The following ARHGAP10 variants were observed in gnomAD, a reference collection of about 807,000 sequenced individuals.
ARHGAP10 encodes the protein rho GTPase-activating protein 10.
A neutral mutation model predicts 108.6 loss-of-function variants in ARHGAP10; 87 were observed. The observed-to-expected ratio is 0.80, with a 90% confidence interval of 0.67 to 0.96. The LOEUF is 0.96. ARHGAP10 is among the 40% of genes least tolerant of loss of function. The probability of loss-of-function intolerance (pLI) is 0.00; values close to 1 mark genes in which losing one functional copy is unlikely to be tolerated. For missense variants in ARHGAP10, 939 were observed against 954.5 expected (o/e 0.98, Z 0.21); for synonymous variants, 347 against 341.1 (o/e 1.02, Z -0.19).
At chr4:147,921,164 T>C (rs879388920) in intron 13 of ARHGAP10, among the ~76,000 whole-genome samples, 8 of 152,218 alleles carry the variant, frequency 5.3e-5, no homozygotes, top group Non-Finnish European at 1.2e-4. Flanking sequence ...GCCGAATGAT[T>C]TTGCTGAAGT....
chr4:147,794,808 T>G (rs911398858), intron 1 of ARHGAP10, among the ~76,000 whole-genome samples: 4 of 152,190 alleles, frequency 2.6e-5, no homozygotes, highest in African/African-American at 9.7e-5. Flanking sequence ...CCATTTAGTG[T>G]TTTTTGAAAC....
chr4:148,010,527 A>G (rs1344424360), intron 18 of ARHGAP10, among the ~76,000 whole-genome samples: 1 of 152,218 alleles, frequency 6.6e-6, no homozygotes, highest in Non-Finnish European at 1.5e-5. Context: ...TAAACATTGT[A>G]TACCCTTTAT....
In ARHGAP10 at chr4:148,063,202, C is replaced by T. The variant is rs1411343221; in HGVS notation, c.2082C>T (p.Thr694=). The change falls in exon 21 of 23, where the codon ACC becomes ACT. Residue 694 remains threonine, a synonymous_variant. Transcript: ENST00000336498. ...MVQWLNPQSP[T]TTSSNSAVTP... ...AGTGGCTTAACCCACAGTCTCCAAC[C>T]ACAACAAGCTCCAACTCAGCTGTGA... is the stretch of plus-strand genomic sequence containing the variant. The T allele has an allele frequency of 1.2e-6, 2 of 1,614,074 alleles. No homozygotes were observed. Among genetic ancestry groups the T allele is most frequent in the Admixed American group, 1.7e-5 (1 of 59,998 alleles).
Position 147,966,750 on chromosome 4 carries a change from A to T in ARHGAP10, c.1627A>T (p.Met543Leu), listed in dbSNP as rs1322739756. Residue 543 changes from methionine to leucine, a missense_variant, in exon 18 of 23, where the codon ATG (methionine) becomes TTG (leucine). By Grantham distance (15) the Met-to-Leu change is conservative. Transcript: ENST00000336498. ...NLGVVFGPTL[M>L]RPQEETVAAL... ...AGGAGTGGTGTTTGGACCAACTCTG[A>T]TGAGGCCACAGGAAGAAACTGTCGC... 9 of 1,608,214 alleles carry T rather than the reference A, an allele frequency of 5.6e-6. No homozygotes were observed. Among genetic ancestry groups the T allele is most frequent in the African/African-American group, 2.7e-5 (2 of 74,896 alleles).
intron 10 of ARHGAP10, among the ~76,000 whole-genome samples, chr4:147,884,407 A>G (rs981292265): frequency 3.3e-5 from 5 of 152,140 alleles, no homozygotes; most frequent in East Asian, 3.9e-4. Context: ...AGTACTTTAT[A>G]GGGAGACTCT....
At chr4:147,742,206 G>A (rs947371481) in intron 1 of ARHGAP10, among the ~76,000 whole-genome samples, 6 of 151,872 alleles carry the variant, frequency 4.0e-5, no homozygotes, top group South Asian at 2.1e-4. Context: ...TGGCCTCACC[G>A]TTTATTAGCT....
At chr4:148,024,154 T>C (rs1039626092) in intron 19 of ARHGAP10, among the ~76,000 whole-genome samples, 1 of 152,184 alleles carries the variant, frequency 6.6e-6, no homozygotes, top group African/African-American at 2.4e-5. Context: ...TGGTTATTGG[T>C]GTGGAGAATA....
Position 147,912,682 on chromosome 4 carries a change from G to T in ARHGAP10, c.1163-392G>T, listed in dbSNP as rs534518929. On this transcript the variant is annotated intron_variant, in intron 12 of 22. Transcript: ENST00000336498. Reference sequence around the variant, plus strand: ...TTTTTTTTTTTTTTGGGGAGACAGGGTATTGCTCTGTCACCCAGTGCAGTG... The same window carrying T: ...TTTTTTTTTTTTTTGGGGAGACAGGTTATTGCTCTGTCACCCAGTGCAGTG... Among the ~76,000 whole-genome samples the T allele has an allele frequency of 1.5e-4, 18 of 122,974 alleles. No individual in the cohort carries two copies. The South Asian group carries it at 3.2e-3, about 22-fold the overall frequency. The allele number at this position is 122,974 out of a possible 152,430, so 80.7% of individuals were successfully genotyped here.
At chr4:147,946,100 T>C (rs766167922) in intron 14 of ARHGAP10, 1 of 152,454 alleles carries the variant, frequency 6.6e-6, no homozygotes, top group African/African-American at 2.4e-5. Context: ...ACCGTGGGCA[T>C]GTATAGGCAA....
intron 1 of ARHGAP10, among the ~76,000 whole-genome samples, chr4:147,773,001 C>G (rs1335231460): frequency 3.3e-5 from 5 of 152,114 alleles, no homozygotes; most frequent in African/African-American, 1.2e-4. Flanking sequence ...TTTGACGGAA[C>G]TCCTGCATTC....
chr4:147,961,938 C>T (rs1350841106), intron 16 of ARHGAP10, among the ~76,000 whole-genome samples: 2 of 152,162 alleles, frequency 1.3e-5, no homozygotes, highest in Non-Finnish European at 2.9e-5. Flanking sequence ...TTCACATCTC[C>T]CTGTACATCT....
At chr4:148,019,468 CGGCATG>C (rs1461421408) in intron 18 of ARHGAP10, among the ~76,000 whole-genome samples, 2 of 152,004 alleles carry the variant, frequency 1.3e-5, no homozygotes, top group African/African-American at 4.8e-5. Flanking sequence ...AAGTCTGGCC[CGGCATG>C]GGCATGGTGG....
chr4:148,010,934 A>G (rs1325742698), intron 18 of ARHGAP10, among the ~76,000 whole-genome samples: 1 of 152,234 alleles, frequency 6.6e-6, no homozygotes, highest in Non-Finnish European at 1.5e-5. Context: ...ATATTTAATA[A>G]TTGCCATGCC....
chr4:147,862,151 C>T (rs1032190526), intron 5 of ARHGAP10: 1 of 152,592 alleles, frequency 6.6e-6, no homozygotes, highest in Non-Finnish European at 1.5e-5. Context: ...CATCCAAAGT[C>T]CAGAGGGGGC....
At chr4:147,965,660 T>C (rs1056241767) in intron 17 of ARHGAP10, among the ~76,000 whole-genome samples, 3 of 152,204 alleles carry the variant, frequency 2.0e-5, no homozygotes, top group East Asian at 1.9e-4. Context: ...GAACCTTTCT[T>C]TTACATATAA....
chr4:148,038,907 C>G (rs1728497786), intron 19 of ARHGAP10, among the ~76,000 whole-genome samples: 2 of 148,290 alleles, frequency 1.3e-5, no homozygotes. Context: ...TTTAAAATGA[C>G]AGTTTTTTTT....
intron 18 of ARHGAP10, among the ~76,000 whole-genome samples, chr4:148,004,481 A>G (rs1740861573): frequency 2.6e-5 from 4 of 152,208 alleles, no homozygotes; most frequent in Admixed American, 1.3e-4. Context: ...TCTACCCAGT[A>G]GAATACAGCA....
rs941215569 is a variant in ARHGAP10 at position 147,930,265 on chromosome 4, C to G, written c.1229-9560C>G. 2.6e-5 allele frequency among the ~76,000 whole-genome samples: 4 copies of G among 152,182 alleles called. No individual in the cohort carries two copies. In the East Asian group the frequency reaches 7.7e-4, roughly 29 times the overall value. ...GCCTGTTACCATCAAAGGTGTTTAT[C>G]TTTCACTTTGAGCCCTTCTCCTTTG... On this transcript the variant is annotated intron_variant, in intron 13 of 22. Transcript: ENST00000336498.
intron 1 of ARHGAP10, among the ~76,000 whole-genome samples, chr4:147,737,118 G>A (rs1010274936): frequency 9.2e-5 from 14 of 151,898 alleles, no homozygotes; most frequent in Non-Finnish European, 1.8e-4. Context: ...GCTACTTAAT[G>A]CCCTAGGTTT....
Sources: gnomAD v4.1 joint callset for allele counts (sites outside exome capture counted in the v4.1 genomes callset) on GRCh38, gnomAD v4.1.1 for gene constraint, MANE v1.5 for transcripts, NCBI Gene and HGNC (gene_info 2026-07-23, HGNC 2026-07-21) for gene names.